Variants in ZC3H3 observed in about 807,000 individuals in gnomAD.
ZC3H3 encodes the protein zinc finger CCCH domain-containing protein 3.
ZC3H3 carries 36 observed loss-of-function variants against 77.3 expected under a neutral mutation model. The ratio of observed to expected loss-of-function variants is 0.47; its 90% CI spans 0.36 to 0.61. The LOEUF is 0.61. Among genes scored for constraint, ZC3H3 ranks in the 20% least tolerant of loss-of-function variants. The pLI is 0.00. For synonymous variants in ZC3H3, 626 were observed against 555.2 expected (o/e 1.13, Z -1.79); for missense variants, 1,331 against 1,312.2 (o/e 1.01, Z -0.22).
At chr8:143,525,876 G>A (rs1002173095) in intron 3 of ZC3H3, among the ~76,000 whole-genome samples, 2 of 152,238 alleles carry the variant, frequency 1.3e-5, no homozygotes, top group African/African-American at 2.4e-5. Context: ...CACTCTCCCA[G>A]GAGGCCTCCC....
intron 3 of ZC3H3, among the ~76,000 whole-genome samples, chr8:143,527,385 G>A (rs1822449247): frequency 6.6e-6 from 1 of 152,140 alleles, no homozygotes; most frequent in South Asian, 2.1e-4. Context: ...TCCTACGGTG[G>A]TATGAGTTCT....
intron 9 of ZC3H3, among the ~76,000 whole-genome samples, chr8:143,452,435 G>A (rs1820012615): frequency 6.6e-6 from 1 of 152,222 alleles, no homozygotes; most frequent in Admixed American, 6.5e-5. Flanking sequence ...CAGCCAGCAT[G>A]ACTAGGCTCC....
At position 143,509,082 on chromosome 8, in the gene ZC3H3, T is replaced by C. The variant is rs531349342; in HGVS notation, c.1562-1183A>G. Reference sequence around the variant, plus strand: ...AGCAAAGAGCCCCTCCCTCAGGCGTTCCCCCAGCACCATCCAAGCTGCAGC... The same window carrying C: ...AGCAAAGAGCCCCTCCCTCAGGCGTCCCCCCAGCACCATCCAAGCTGCAGC... On this transcript the variant is annotated intron_variant, in intron 3 of 11. Coordinates refer to ENST00000262577, the MANE Select transcript of ZC3H3 (RefSeq NM_015117.3). Among the ~76,000 whole-genome samples the C allele has an allele frequency of 3.9e-5, 6 of 151,998 alleles. No homozygotes were observed. In the South Asian group the frequency reaches 1.3e-3, roughly 32 times the overall value.
At chr8:143,478,613 G>A (rs1820814608) in intron 4 of ZC3H3, among the ~76,000 whole-genome samples, 1 of 152,224 alleles carries the variant, frequency 6.6e-6, no homozygotes, top group East Asian at 1.9e-4. Flanking sequence ...GGGTTCAAGA[G>A]GTTCTCCTGC....
In ZC3H3 at chr8:143,455,943, C is replaced by T. The variant is rs143382159; in HGVS notation, c.2307+9774G>A. Among the ~76,000 whole-genome samples the T allele has an allele frequency of 9.0e-3, 1,193 of 133,162 alleles. 19 individuals are homozygous for T. The highest frequency in any genetic ancestry group is 0.013 in the Non-Finnish European group (878 of 65,192). 87.4% of individuals were successfully genotyped at this position (133,162 alleles called of 152,430 possible). On this transcript the variant is annotated intron_variant, in intron 9 of 11. Transcript: ENST00000262577. The stretch of plus-strand genomic sequence containing the variant: ...AGCCAAGATCAAGATCACACTACTG[C>T]ACTCCAGTCTGGGCGACAGAGTGAG...
In ZC3H3 at chr8:143,494,106, C is replaced by T. The variant is rs1229500724; in HGVS notation, c.1715+13640G>A. 6.6e-6 allele frequency among the ~76,000 whole-genome samples: 1 copy of T among 152,134 alleles called. No individual in the cohort carries two copies. Among genetic ancestry groups the T allele is most frequent in the African/African-American group, 2.4e-5 (1 of 41,438 alleles). ...CTGGGGAGTGGGAGGGGAAGGGGAGCGCTGAGGGCCATCCCCACAGGCCTC... is the reference window on the plus strand; with the variant it reads ...CTGGGGAGTGGGAGGGGAAGGGGAGTGCTGAGGGCCATCCCCACAGGCCTC... On this transcript the variant is annotated intron_variant, in intron 4 of 11. Transcript: ENST00000262577. This position sits in a 1 kb window ranked among gnomAD's most constrained non-coding sequence, Gnocchi z 5.3.
chr8:143,484,257 C>A (rs1820988376), intron 4 of ZC3H3, among the ~76,000 whole-genome samples: 1 of 152,208 alleles, frequency 6.6e-6, no homozygotes, highest in Admixed American at 6.5e-5. Context: ...GCCATCCCTG[C>A]CCCGTCTCAC....
intron 4 of ZC3H3, among the ~76,000 whole-genome samples, chr8:143,499,230 G>A (rs1302649773): frequency 2.0e-5 from 3 of 152,130 alleles, no homozygotes; most frequent in African/African-American, 7.2e-5. Flanking sequence ...AGCCCAGGAC[G>A]AAGAGAACCG....
intron 9 of ZC3H3, among the ~76,000 whole-genome samples, chr8:143,449,625 C>A (rs1002885540): frequency 3.4e-4 from 52 of 152,282 alleles, no homozygotes; most frequent in African/African-American, 1.1e-3. Context: ...GTAACCCCAG[C>A]TACTTGGGAG....
At chr8:143,467,726 C>T (rs1340206917) in intron 8 of ZC3H3, among the ~76,000 whole-genome samples, 1 of 152,192 alleles carries the variant, frequency 6.6e-6, no homozygotes, top group Non-Finnish European at 1.5e-5. Context: ...GCCGCGGGGA[C>T]AACCACATGA....
At chr8:143,450,892 C>T (rs1334896920) in intron 9 of ZC3H3, among the ~76,000 whole-genome samples, 1 of 152,134 alleles carries the variant, frequency 6.6e-6, no homozygotes, top group Admixed American at 6.5e-5. Context: ...ATCTGCAGGA[C>T]GCTCCTGGCA....
At chr8:143,528,462 T>A (rs947683048) in intron 3 of ZC3H3, among the ~76,000 whole-genome samples, 7 of 152,090 alleles carry the variant, frequency 4.6e-5, no homozygotes, top group Non-Finnish European at 8.8e-5. Flanking sequence ...ACGGCCAGCC[T>A]CCCGGGGAGA....
chr8:143,475,426 A>G lies in ZC3H3; in HGVS notation c.1875T>C (p.Asp625=), dbSNP rs147259481. The change falls in exon 5 of 12, where the codon GAT becomes GAC. Residue 625 remains aspartate (D), a synonymous_variant. Transcript: ENST00000262577. ...KLSKTSGQPS[D]AGSRPLLRTG... ...TGCGCAGGAGGGGCCTGCTGCCCGC[A>G]TCACTGGGCTGGCCGGAGGTCTTGG... is the stretch of plus-strand genomic sequence containing the variant. The G allele has an allele frequency of 1.9e-4, 299 of 1,613,062 alleles. 3 individuals are homozygous for G. In the Admixed American group the frequency reaches 3.7e-3, roughly 20 times the overall value.
intron 4 of ZC3H3, among the ~76,000 whole-genome samples, chr8:143,479,690 C>T (rs1481156296): frequency 6.6e-6 from 1 of 152,202 alleles, no homozygotes; most frequent in African/African-American, 2.4e-5. Context: ...TTTCCTTCAG[C>T]CCAAAAGCAG....
intron 4 of ZC3H3, among the ~76,000 whole-genome samples, chr8:143,479,021 T>C (rs935717193): frequency 4.6e-5 from 7 of 152,252 alleles, no homozygotes; most frequent in East Asian, 1.9e-4. Context: ...CTGCCCACCA[T>C]AGCCTGGGAG....
chr8:143,504,971 C>T (rs1469658571), intron 4 of ZC3H3, among the ~76,000 whole-genome samples: 1 of 152,218 alleles, frequency 6.6e-6, no homozygotes, highest in Non-Finnish European at 1.5e-5. Flanking sequence ...GGCAAGAGGC[C>T]TAGATGACTT....
At chr8:143,535,640 G>A (rs964790475) in intron 3 of ZC3H3, among the ~76,000 whole-genome samples, 3 of 152,226 alleles carry the variant, frequency 2.0e-5, no homozygotes, top group East Asian at 1.9e-4. Flanking sequence ...AAACATCACC[G>A]CAGTGGGGGT....
intron 4 of ZC3H3, among the ~76,000 whole-genome samples, chr8:143,478,667 G>A (rs921944504): frequency 2.2e-4 from 33 of 152,170 alleles, no homozygotes; most frequent in Non-Finnish European, 4.0e-4. Flanking sequence ...GTGCCAACAC[G>A]CCCGGCTAAT....
chr8:143,448,065 G>A (rs1243140448), intron 9 of ZC3H3, among the ~76,000 whole-genome samples: 1 of 152,180 alleles, frequency 6.6e-6, no homozygotes, highest in Admixed American at 6.5e-5. Context: ...GCGGGGGGTT[G>A]CGGTGAGCTG....
Sources: gnomAD v4.1 joint callset for allele counts (sites outside exome capture counted in the v4.1 genomes callset) on GRCh38, gnomAD v4.1.1 for gene constraint, Gnocchi (gnomAD v3.1) non-coding constraint, MANE v1.5 for transcripts, NCBI Gene and HGNC (gene_info 2026-07-23, HGNC 2026-07-21) for gene names.